The following COX11 variants were observed in gnomAD, a reference collection of about 807,000 sequenced individuals.
COX11 encodes the protein cytochrome c oxidase assembly protein COX11, mitochondrial.
Under a neutral mutation model 29.4 loss-of-function variants are expected in COX11, and 18 were observed. The observed-to-expected ratio is 0.61, with a 90% confidence interval of 0.42 to 0.91. The LOEUF is 0.91. Ranked by LOEUF, COX11 falls within the 40% of genes least tolerant of loss-of-function variation. COX11 has a pLI of 0.00. For missense variants in COX11, 312 were observed against 346.0 expected (o/e 0.90, Z 0.78); for synonymous variants, 131 against 124.0 (o/e 1.06, Z -0.38).
At chr17:54,963,242 A>T (rs1422222966) in intron 3 of COX11, 64 bp downstream of exon 3, 1 of 1,520,576 alleles carries the variant, frequency 6.6e-7, no homozygotes, top group East Asian at 2.3e-5. Context: ...TAAAACACTA[A>T]GTTTCATACT....
chr17:54,964,639 T>A, intron 2 of COX11, 58 bp downstream of exon 2: 1 of 1,503,456 alleles, frequency 6.7e-7, no homozygotes, highest in Admixed American at 1.7e-5. Flanking sequence ...GTTTAAGTGA[T>A]GAAAGAAAGG....
chr17:54,963,243 G>T, intron 3 of COX11, 63 bp downstream of exon 3: 1 of 1,532,844 alleles, frequency 6.5e-7, no homozygotes, highest in South Asian at 1.2e-5. Context: ...AAAACACTAA[G>T]TTTCATACTA....
exon 1 of COX11, chr17:54,954,759 A>T (rs985862329): frequency 1.3e-5 from 2 of 152,340 alleles, no homozygotes; most frequent in East Asian, 3.9e-4. Flanking sequence ...AGAATTGGCA[A>T]TATAGTTCCC....
At chr17:54,953,771 T>C (rs2049352537) in exon 1 of COX11, 1 of 152,182 alleles carries the variant, frequency 6.6e-6, no homozygotes. Flanking sequence ...TTAAAGGAGA[T>C]GTCTACCAGT....
intron 2 of COX11, among the ~76,000 whole-genome samples, chr17:54,963,734 A>G (rs181705254): frequency 2.6e-4 from 40 of 152,226 alleles, no homozygotes; most frequent in Non-Finnish European, 3.2e-4. Flanking sequence ...TGTCCAAGCC[A>G]ATCATATCAC....
In COX11 at chr17:54,961,093, C is replaced by T. The variant is rs748108225; in HGVS notation, c.*1640G>A. The T allele has an allele frequency of 8.9e-6, 6 of 674,586 alleles. No individual in the cohort carries two copies. The highest frequency in any genetic ancestry group is 1.8e-5 in the African/African-American group (1 of 55,042). The allele number at this position is 674,586 out of a possible 1,614,324, so 41.8% of individuals were successfully genotyped here. Reference sequence around the variant, plus strand: ...AACTTATTTATTCCCCTTATACCCTCCCCTATGGAAGAAGCACATTCTTAC... The same window carrying T: ...AACTTATTTATTCCCCTTATACCCTTCCCTATGGAAGAAGCACATTCTTAC... On this transcript the variant is annotated 3_prime_UTR_variant, in exon 4 of 4. Coordinates refer to ENST00000299335, the MANE Select transcript of COX11 (RefSeq NM_004375.5).
In COX11 at chr17:54,961,225, T is replaced by C; in HGVS notation, c.*1508A>G. ...GATGAATACTGGCCATTTTCTTCTC[T>C]TTATTTTAGAAGAAAGTGGATGATC... On this transcript the variant is annotated 3_prime_UTR_variant, in exon 4 of 4. Coordinates refer to ENST00000299335, the MANE Select transcript of COX11 (RefSeq NM_004375.5). 2.0e-6 allele frequency: 3 copies of C among 1,506,014 alleles called. No individual in the cohort carries two copies. The East Asian group carries it at 7.4e-5, about 37-fold the overall frequency. 93.3% of individuals were successfully genotyped at this position (1,506,014 alleles called of 1,614,324 possible). A position where few individuals can be genotyped will look rare whatever the true frequency, so the allele number is the denominator to read the frequency against.
In COX11 at chr17:54,967,996, C is replaced by CTTT. The variant is rs66732337; in HGVS notation, c.366+282_366+284dup. On this transcript the variant is annotated intron_variant, in intron 1 of 3. Transcript: ENST00000299335. Reference sequence around the variant, plus strand: ...AGATACCCGGTTAGAGGCTGCGGACCTTTTTTTTTTTTTTTGGCGAGGTGC... The same window carrying CTTT: ...AGATACCCGGTTAGAGGCTGCGGACCTTTTTTTTTTTTTTTTTTGGCGAGGTGC... 9.3e-3 allele frequency among the ~76,000 whole-genome samples: 1,157 copies of CTTT among 124,476 alleles called. 52 individuals are homozygous for CTTT. The highest frequency in any genetic ancestry group is 0.062 in the Middle Eastern group (12 of 194). The allele number at this position is 124,476 out of a possible 152,430, so 81.7% of individuals were successfully genotyped here.
intron 1 of COX11, among the ~76,000 whole-genome samples, chr17:54,965,147 C>A (rs1247758777): frequency 1.3e-5 from 2 of 152,176 alleles, no homozygotes; most frequent in Non-Finnish European, 2.9e-5. Flanking sequence ...CACTGATAGT[C>A]GAACTCACAA....
upstream of COX11, chr17:54,968,767 G>A (rs533436889): frequency 3.4e-5 from 42 of 1,230,616 alleles, no homozygotes; most frequent in Non-Finnish European, 4.6e-5. Flanking sequence ...GGCTCCTCAG[G>A]TGGCAGCGCT....
chr17:54,959,360 C>G (rs2077048258), downstream of COX11: 1 of 152,140 alleles, frequency 6.6e-6, no homozygotes, highest in African/African-American at 2.4e-5. Context: ...TGCCTCTAAT[C>G]CCAACATTTT....
Position 54,961,022 on chromosome 17 carries a change from C to T in COX11, c.*1711G>A. 1 of 581,364 alleles carries T rather than the reference C, an allele frequency of 1.7e-6. No individual in the cohort carries two copies. The highest frequency in any genetic ancestry group is 2.1e-5 in the South Asian group (1 of 46,960). 36.0% of individuals were successfully genotyped at this position (581,364 alleles called of 1,614,324 possible). A position where few individuals can be genotyped will look rare whatever the true frequency, so the allele number is the denominator to read the frequency against. Reference sequence around the variant, plus strand: ...TGAATTTTTCCTATTTTCAGCACTACTAATCCCATGTATTTACTATTTAAT... The same window carrying T: ...TGAATTTTTCCTATTTTCAGCACTATTAATCCCATGTATTTACTATTTAAT... On this transcript the variant is annotated 3_prime_UTR_variant, in exon 4 of 4. Transcript: ENST00000299335.
In COX11 at chr17:54,968,189, T is replaced by C. The variant is rs1174971595; in HGVS notation, c.366+92A>G. On this transcript the variant is annotated intron_variant, in intron 1 of 3. Coordinates refer to ENST00000299335, the MANE Select transcript of COX11 (RefSeq NM_004375.5). ...GATAATATCGGAAACCTCTTCCACC[T>C]ACGACCCGCAGAGCGAGGGCTTGTC... 177 of 1,529,194 alleles carry C rather than the reference T, an allele frequency of 1.2e-4. 1 individual carries two copies. Among genetic ancestry groups the C allele is most frequent in the Non-Finnish European group, 7.0e-6 (8 of 1,146,866 alleles). 94.7% of individuals were successfully genotyped at this position (1,529,194 alleles called of 1,614,324 possible). A position where few individuals can be genotyped will look rare whatever the true frequency, so the allele number is the denominator to read the frequency against.
At chr17:54,966,948 G>C (rs1221918059) in intron 1 of COX11, among the ~76,000 whole-genome samples, 1 of 152,194 alleles carries the variant, frequency 6.6e-6, no homozygotes, top group Non-Finnish European at 1.5e-5. Context: ...GGCCAAGGCA[G>C]GAGGGTCACT....
At chr17:54,954,594 A>C (rs1033635551) in exon 1 of COX11, 34 of 152,214 alleles carry the variant, frequency 2.2e-4, no homozygotes, top group African/African-American at 8.0e-4. Flanking sequence ...ATTTCCAAGA[A>C]GGTGGACTAT....
chr17:54,961,517 A>C lies in COX11; in HGVS notation c.*1216T>G. 7.1e-7 allele frequency: 1 copy of C among 1,409,810 alleles called. No homozygotes were observed. The highest frequency in any genetic ancestry group is 1.6e-5 in the South Asian group (1 of 63,210). The allele number at this position is 1,409,810 out of a possible 1,614,324, so 87.3% of individuals were successfully genotyped here. A position where few individuals can be genotyped will look rare whatever the true frequency, so the allele number is the denominator to read the frequency against. On this transcript the variant is annotated 3_prime_UTR_variant, in exon 4 of 4. Coordinates refer to ENST00000299335, the MANE Select transcript of COX11 (RefSeq NM_004375.5). ...TCCTTAGGCCAACCAATTTAACTGC[A>C]GTGTCATGTTTCACAGGCCTTCCTA...
downstream of COX11, among the ~76,000 whole-genome samples, chr17:54,956,598 C>T (rs892534842): frequency 3.9e-5 from 6 of 151,950 alleles, no homozygotes; most frequent in Non-Finnish European, 5.9e-5. Context: ...TGTAAGCCAC[C>T]GTGCCTAGCC....
At position 54,961,139 on chromosome 17, in the gene COX11, A is replaced by C. The variant is rs886251364; in HGVS notation, c.*1594T>G. 6 of 864,110 alleles carry C rather than the reference A, an allele frequency of 6.9e-6. 2 individuals are homozygous for C. In the South Asian group the frequency reaches 8.8e-5, roughly 13 times the overall value. The allele number at this position is 864,110 out of a possible 1,614,324, so 53.5% of individuals were successfully genotyped here. On this transcript the variant is annotated 3_prime_UTR_variant, in exon 4 of 4. Coordinates refer to ENST00000299335, the MANE Select transcript of COX11 (RefSeq NM_004375.5). ...CTTACCTTTCTTCTACTAGACTGTG[A>C]CTCTCCAGCTTCCCAGTAAAGACAA...
chr17:54,953,018 A>G (rs749048854), exon 1 of COX11: 7 of 152,152 alleles, frequency 4.6e-5, no homozygotes, highest in Non-Finnish European at 7.3e-5. Flanking sequence ...CCTTATATAC[A>G]TTTCTTCCTG....
Sources: gnomAD v4.1 joint callset for allele counts (sites outside exome capture counted in the v4.1 genomes callset) on GRCh38, gnomAD v4.1.1 for gene constraint, MANE v1.5 for transcripts, NCBI Gene and HGNC (gene_info 2026-07-23, HGNC 2026-07-21) for gene names.